Variants in COG2 observed in about 807,000 individuals in gnomAD.
The protein encoded by COG2 is component of oligomeric golgi complex 2, also known as conserved oligomeric Golgi complex subunit 2.
In COG2, 52 loss-of-function variants were observed where a neutral mutation model predicts 90.6. That is an observed-to-expected ratio of 0.57 (90% confidence interval 0.46 to 0.72). The LOEUF (loss-of-function observed/expected upper bound fraction) is 0.72, where lower values mean the gene tolerates loss of function less well. Ranked by LOEUF, COG2 falls within the 30% of genes least tolerant of loss-of-function variation. COG2 has a pLI of 0.00. For missense variants in COG2, 829 were observed against 891.2 expected (o/e 0.93, Z 0.89); for synonymous variants, 337 against 320.4 (o/e 1.05, Z -0.55).
At position 230,690,009 on chromosome 1, in the gene COG2, T is replaced by G; in HGVS notation, c.1795-5T>G. The G allele has an allele frequency of 6.3e-7, 1 of 1,586,296 alleles. No individual in the cohort carries two copies. Among genetic ancestry groups the G allele is most frequent in the Non-Finnish European group, 8.6e-7 (1 of 1,168,702 alleles). On this transcript the variant is annotated splice_region_variant and splice_polypyrimidine_tract_variant and intron_variant, in intron 15 of 17. Coordinates refer to ENST00000366669, the MANE Select transcript of COG2 (RefSeq NM_007357.3). The stretch of plus-strand genomic sequence containing the variant: ...CATCTTTATCTCCTACCATCATCAT[T>G]CCAGGAGGTCCCAACCACAGCTTCC...
chr1:230,685,066 G>A lies in COG2; in HGVS notation c.1229-19G>A. ...GCCTGAAATTCCTTAAATGTGTGTT[G>A]TTGTTGTTTTTTCTCTAGCTGAAAG... On this transcript the variant is annotated intron_variant, in intron 11 of 17. Transcript: ENST00000366669. The A allele has an allele frequency of 1.2e-6, 2 of 1,613,530 alleles. No individual in the cohort carries two copies. The highest frequency in any genetic ancestry group is 1.7e-6 in the Non-Finnish European group (2 of 1,179,804).
intron 1 of COG2, among the ~76,000 whole-genome samples, chr1:230,649,889 C>T (rs990676786): frequency 6.6e-6 from 1 of 152,152 alleles, no homozygotes; most frequent in Admixed American, 6.5e-5. Context: ...CTTCCCCTTT[C>T]AAGTCCCCAG....
At chr1:230,671,938 T>G (rs999694790) in intron 8 of COG2, among the ~76,000 whole-genome samples, 1 of 152,230 alleles carries the variant, frequency 6.6e-6, no homozygotes, top group African/African-American at 2.4e-5. Context: ...CAGAATTGCT[T>G]TCCTTCCATG....
At chr1:230,685,017 C>CATATT in intron 11 of COG2, 68 bp from the exon 12 acceptor site, 1 of 1,527,974 alleles carries the variant, frequency 6.5e-7, no homozygotes. Flanking sequence ...TCGGAAGTCT[C>CATATT]ACATTAGACT....
intron 3 of COG2, 76 bp downstream of exon 3, chr1:230,660,899 CT>C: frequency 1.0e-6 from 1 of 978,206 alleles, no homozygotes; most frequent in Middle Eastern, 2.2e-4. Context: ...AAAAAAATTC[CT>C]TTAATCTGTT....
rs768998137 is a variant in COG2 at position 230,664,587 on chromosome 1, GGTAA to G, written c.485+4_485+7del. 5 of 1,480,064 alleles carry G rather than the reference GGTAA, an allele frequency of 3.4e-6. No homozygotes were observed. The East Asian group carries it at 7.0e-5, about 21-fold the overall frequency. The allele number at this position is 1,480,064 out of a possible 1,614,324, so 91.7% of individuals were successfully genotyped here. A position where few individuals can be genotyped will look rare whatever the true frequency, so the allele number is the denominator to read the frequency against. On this transcript the variant is annotated splice_donor_variant and splice_donor_region_variant and intron_variant, in intron 5 of 17. Transcript: ENST00000366669. LOFTEE classifies it high-confidence loss of function. The stretch of plus-strand genomic sequence containing the variant: ...GAAACCTCTGCACTAGAAGCAAGCA[GGTAA>G]GTATTTTTTATTAAATAACTCGTAA...
At chr1:230,643,823 A>C (rs752251273) in intron 1 of COG2, among the ~76,000 whole-genome samples, 12 of 152,212 alleles carry the variant, frequency 7.9e-5, no homozygotes, top group Non-Finnish European at 1.5e-4. Context: ...AAGAATGTAC[A>C]GAATCAACTC....
At chr1:230,687,415 A>G (rs549132806) in intron 13 of COG2, among the ~76,000 whole-genome samples, 2 of 152,174 alleles carry the variant, frequency 1.3e-5, no homozygotes, top group South Asian at 4.2e-4. Flanking sequence ...TTCAGTAGTG[A>G]TGGGACAAGC....
At position 230,659,502 on chromosome 1, in the gene COG2, G is replaced by A. The variant is rs750200565; in HGVS notation, c.111G>A (p.Arg37=). 1.2e-6 allele frequency: 2 copies of A among 1,613,918 alleles called. No individual in the cohort carries two copies. Among genetic ancestry groups the A allele is most frequent in the South Asian group, 2.2e-5 (2 of 91,072 alleles). ...FDVDHFVSDC[R]KRVQLEELRD... ...TCGATCATTTTGTGTCTGACTGTAGGAAGCGGGTCCAGCTGGAAGAACTGA... is the reference window on the plus strand; with the variant it reads ...TCGATCATTTTGTGTCTGACTGTAGAAAGCGGGTCCAGCTGGAAGAACTGA... The change falls in exon 2 of 18, where the codon AGG becomes AGA. Residue 37 remains arginine, a synonymous_variant. Transcript: ENST00000366669.
At chr1:230,672,350 T>A (rs1662469840) in intron 8 of COG2, among the ~76,000 whole-genome samples, 1 of 152,186 alleles carries the variant, frequency 6.6e-6, no homozygotes, top group South Asian at 2.1e-4. Context: ...AGCTCTCCAC[T>A]GTAGAAACTT....
intron 1 of COG2, among the ~76,000 whole-genome samples, chr1:230,652,727 C>T (rs774625671): frequency 7.2e-5 from 11 of 152,108 alleles, no homozygotes; most frequent in South Asian, 4.2e-4. Flanking sequence ...GGATTTTAGT[C>T]ATTCTCTTCA....
In COG2 at chr1:230,688,113, AT is replaced by A; in HGVS notation, c.1623del (p.Ile541MetfsTer27). 1.9e-6 allele frequency: 3 copies of A among 1,600,536 alleles called. No individual in the cohort carries two copies. Among genetic ancestry groups the A allele is most frequent in the Non-Finnish European group, 2.6e-6 (3 of 1,175,638 alleles). Reference sequence around the variant, plus strand: ...AATAATCAAGCCAAAACTTGAAATGATTGGCTTTAAGAATTTTTCTTCTATC... The same window carrying A: ...AATAATCAAGCCAAAACTTGAAATGATGGCTTTAAGAATTTTTCTTCTATC... ...LEIIKPKLEMIGFKNFSSISA... is the reference protein window; with the variant it reads ...LEIIKPKLEMXGFKNFSSISA... On this transcript the variant is annotated frameshift_variant, in exon 14 of 18. Coordinates refer to ENST00000366669, the MANE Select transcript of COG2 (RefSeq NM_007357.3). LOFTEE classifies it high-confidence loss of function.
intron 1 of COG2, 65 bp from the exon 2 acceptor site, chr1:230,659,399 T>G: frequency 7.7e-7 from 1 of 1,292,194 alleles, no homozygotes; most frequent in Non-Finnish European, 1.1e-6. Context: ...TTTCTTCCAT[T>G]TCATTTGTAT....
At chr1:230,646,824 A>G (rs1409328605) in intron 1 of COG2, among the ~76,000 whole-genome samples, 4 of 152,076 alleles carry the variant, frequency 2.6e-5, no homozygotes, top group Non-Finnish European at 4.4e-5. Context: ...GTCATCCTTG[A>G]TAACACCTCT....
intron 11 of COG2, chr1:230,684,383 C>G (rs1662834952): frequency 6.6e-6 from 1 of 152,460 alleles, no homozygotes; most frequent in African/African-American, 2.4e-5. Flanking sequence ...AGCATGCATC[C>G]TGGGCCTCCT....
intron 16 of COG2, among the ~76,000 whole-genome samples, chr1:230,691,010 G>A (rs1218757195): frequency 2.0e-5 from 3 of 152,176 alleles, no homozygotes; most frequent in East Asian, 1.9e-4. Flanking sequence ...ACTTGATCTG[G>A]GGCATGAACT....
intron 16 of COG2, among the ~76,000 whole-genome samples, chr1:230,691,140 C>T (rs1215573009): frequency 6.7e-6 from 1 of 149,498 alleles, no homozygotes; most frequent in East Asian, 1.9e-4. Context: ...TGAGGGAATG[C>T]TATGTTAGAC....
At position 230,678,724 on chromosome 1, in the gene COG2, A is replaced by T. The variant is rs1482414964; in HGVS notation, c.1027-189A>T. Reference sequence around the variant, plus strand: ...GGAAGACACGGAAGACATATCACAGAACCACTTTGGGCATTTATGTATCTT... The same window carrying T: ...GGAAGACACGGAAGACATATCACAGTACCACTTTGGGCATTTATGTATCTT... On this transcript the variant is annotated intron_variant, in intron 9 of 17. Coordinates refer to ENST00000366669, the MANE Select transcript of COG2 (RefSeq NM_007357.3). 5 of 1,498,508 alleles carry T rather than the reference A, an allele frequency of 3.3e-6. No individual in the cohort carries two copies. In the South Asian group the frequency reaches 4.8e-5, roughly 14 times the overall value. The allele number at this position is 1,498,508 out of a possible 1,614,324, so 92.8% of individuals were successfully genotyped here. A position where few individuals can be genotyped will look rare whatever the true frequency, so the allele number is the denominator to read the frequency against.
intron 10 of COG2, chr1:230,679,561 C>T (rs1662682340): frequency 6.6e-6 from 1 of 152,338 alleles, no homozygotes; most frequent in Admixed American, 6.5e-5. Flanking sequence ...ATTTCAGCCT[C>T]CCTGATCGTC....
Sources: allele counts gnomAD v4.1 joint callset (sites outside exome capture counted in the v4.1 genomes callset), GRCh38; gene constraint gnomAD v4.1.1; transcripts MANE v1.5; gene names NCBI Gene and HGNC (gene_info 2026-07-23, HGNC 2026-07-21).